The following SORCS3 variants were observed in gnomAD, a reference collection of about 807,000 sequenced individuals.
SORCS3 encodes sortilin related VPS10 domain containing receptor 3.
In SORCS3, 57 loss-of-function variants were observed where a neutral mutation model predicts 146.3. That is an observed-to-expected ratio of 0.39 (90% CI 0.31 to 0.49). The LOEUF is 0.49. SORCS3 is among the 20% of genes least tolerant of loss of function. The pLI is 0.92. For missense variants in SORCS3, 1,341 were observed against 1,575.5 expected (o/e 0.85, Z 2.52); for synonymous variants, 653 against 618.5 (o/e 1.06, Z -0.83).
intron 5 of SORCS3, among the ~76,000 whole-genome samples, chr10:105,056,081 G>A (rs1464372567): frequency 6.6e-6 from 1 of 152,188 alleles, no homozygotes; most frequent in African/African-American, 2.4e-5. Context: ...GGTTCCTGGA[G>A]GAGATAGGAT....
intron 4 of SORCS3, among the ~76,000 whole-genome samples, chr10:105,036,309 C>T (rs1010186433): frequency 3.3e-5 from 5 of 152,128 alleles, no homozygotes; most frequent in Non-Finnish European, 7.3e-5. Flanking sequence ...GGTCTTCTAC[C>T]TCCGTTGGCA....
At chr10:105,061,935 G>A (rs768818786) in intron 5 of SORCS3, among the ~76,000 whole-genome samples, 8 of 152,112 alleles carry the variant, frequency 5.3e-5, no homozygotes, top group South Asian at 2.1e-4. Context: ...CATCAGCTGC[G>A]GAAAATTCCC....
chr10:104,959,775 T>C (rs191313535), intron 3 of SORCS3, among the ~76,000 whole-genome samples: 40 of 152,258 alleles, frequency 2.6e-4, no homozygotes, highest in Admixed American at 2.6e-3. Context: ...TGTCTTGAGC[T>C]GGGGGTAAAA....
chr10:105,107,570 G>A lies in SORCS3; in HGVS notation c.1212+2055G>A, dbSNP rs193016527. ...TATACTGGAAGCAGACGGAAGTTTT[G>A]TCTTTAATTAGCATCAATTTTTATT... On this transcript the variant is annotated intron_variant, in intron 7 of 26. Transcript: ENST00000369701. Among the ~76,000 whole-genome samples, 17 of 150,740 alleles carry A rather than the reference G, an allele frequency of 1.1e-4. No individual in the cohort carries two copies. In the East Asian group the frequency reaches 3.3e-3, roughly 29 times the overall value.
At chr10:105,183,872 G>C (rs193189069) in intron 14 of SORCS3, among the ~76,000 whole-genome samples, 1 of 152,192 alleles carries the variant, frequency 6.6e-6, no homozygotes, top group African/African-American at 2.4e-5. Flanking sequence ...GTGGGCTCAG[G>C]GGGAGGGATG....
intron 8 of SORCS3, among the ~76,000 whole-genome samples, chr10:105,144,585 A>G (rs2056117778): frequency 6.6e-6 from 1 of 152,130 alleles, no homozygotes; most frequent in South Asian, 2.1e-4. Flanking sequence ...CAGACATGGA[A>G]TGTTATTTAT....
At chr10:104,858,173 G>A (rs2018355756) in intron 2 of SORCS3, among the ~76,000 whole-genome samples, 1 of 152,046 alleles carries the variant, frequency 6.6e-6, no homozygotes, top group Non-Finnish European at 1.5e-5. Flanking sequence ...TTTTTCCAAA[G>A]CTTGAAAAAC....
chr10:105,014,082 T>TAC (rs1554868644), intron 4 of SORCS3, among the ~76,000 whole-genome samples: 11 of 125,984 alleles, frequency 8.7e-5, no homozygotes, highest in Non-Finnish European at 1.8e-4. Flanking sequence ...TATATATATA[T>TAC]ACACACATAT....
At chr10:104,678,323 T>C (rs1266640514) in intron 1 of SORCS3, among the ~76,000 whole-genome samples, 1 of 152,142 alleles carries the variant, frequency 6.6e-6, no homozygotes, top group Non-Finnish European at 1.5e-5. Context: ...AAAGCAGCTG[T>C]TAAGTGCGTT....
chr10:104,701,307 G>A (rs2133430770), intron 1 of SORCS3, among the ~76,000 whole-genome samples: 1 of 152,344 alleles, frequency 6.6e-6, no homozygotes, highest in South Asian at 2.1e-4. Flanking sequence ...CCATTTGGCT[G>A]ATACAGGAAG....
chr10:104,904,543 G>A (rs566447121), intron 2 of SORCS3, among the ~76,000 whole-genome samples: 1 of 152,206 alleles, frequency 6.6e-6, no homozygotes, highest in South Asian at 2.1e-4. Flanking sequence ...GGCCAGAGAA[G>A]ATAGTTAAAG....
chr10:105,252,866 T>C lies in SORCS3; in HGVS notation c.3197T>C (p.Leu1066Pro). The C allele has an allele frequency of 6.2e-7, 1 of 1,613,904 alleles. No homozygotes were observed. The highest frequency in any genetic ancestry group is 8.5e-7 in the Non-Finnish European group (1 of 1,179,914). ...AELFILPPKN[L>P]TERRKGNEGD... ...CTTTTCATTCTTCCACCCAAGAACC[T>C]GACAGAGAGGAGGAAAGGCAATGAA... The change falls in exon 23 of 27, where the codon CTG becomes CCG. Residue 1066 changes from leucine to proline, a missense_variant. Coordinates refer to ENST00000369701, the MANE Select transcript of SORCS3 (RefSeq NM_014978.3).
At chr10:104,924,464 G>A (rs1470360442) in intron 3 of SORCS3, among the ~76,000 whole-genome samples, 1 of 152,208 alleles carries the variant, frequency 6.6e-6, no homozygotes, top group Non-Finnish European at 1.5e-5. Context: ...GATATCCACA[G>A]CCTCTCAGTA....
intron 1 of SORCS3, among the ~76,000 whole-genome samples, chr10:104,686,079 GA>G (rs1564658632): frequency 6.6e-6 from 1 of 152,122 alleles, no homozygotes; most frequent in African/African-American, 2.4e-5. Flanking sequence ...GGATGAAGTG[GA>G]ATGAAAGTAG....
At chr10:104,903,282 A>C (rs2018871270) in intron 2 of SORCS3, among the ~76,000 whole-genome samples, 1 of 152,246 alleles carries the variant, frequency 6.6e-6, no homozygotes, top group South Asian at 2.1e-4. Context: ...ACAGTGATTT[A>C]GGGTGACAGT....
rs193044500 is a variant in SORCS3 at position 104,993,088 on chromosome 10, C to G, written c.954+15595C>G. Among the ~76,000 whole-genome samples the G allele has an allele frequency of 1.6e-3, 250 of 152,260 alleles. 2 individuals carry two copies. Among genetic ancestry groups the G allele is most frequent in the African/African-American group, 5.8e-3 (240 of 41,548 alleles). ...ACAGGGGAGAGGGTGCCTGATAACACTGACCATGACAAGAATCAAAGGACA... is the reference window on the plus strand; with the variant it reads ...ACAGGGGAGAGGGTGCCTGATAACAGTGACCATGACAAGAATCAAAGGACA... On this transcript the variant is annotated intron_variant, in intron 4 of 26. Transcript: ENST00000369701.
At chr10:104,800,806 C>A (rs1420354092) in intron 1 of SORCS3, among the ~76,000 whole-genome samples, 1 of 152,152 alleles carries the variant, frequency 6.6e-6, no homozygotes, top group Non-Finnish European at 1.5e-5. Context: ...ACATGGATGG[C>A]TAAGAACTGT....
intron 1 of SORCS3, among the ~76,000 whole-genome samples, chr10:104,788,687 C>G (rs976339690): frequency 1.3e-5 from 2 of 152,136 alleles, no homozygotes; most frequent in African/African-American, 4.8e-5. Flanking sequence ...AAATGAATTT[C>G]AGATCTAATA....
chr10:105,198,085 C>T (rs1196498060), intron 14 of SORCS3, among the ~76,000 whole-genome samples: 1 of 152,190 alleles, frequency 6.6e-6, no homozygotes, highest in African/African-American at 2.4e-5. Flanking sequence ...ATTCCTATGA[C>T]AGACCCTGTT....
Sources: gnomAD v4.1 joint callset for allele counts (sites outside exome capture counted in the v4.1 genomes callset) on GRCh38, gnomAD v4.1.1 for gene constraint, MANE v1.5 for transcripts, NCBI Gene and HGNC (gene_info 2026-07-23, HGNC 2026-07-21) for gene names.